The following HYDIN variants were observed in gnomAD, a reference collection of about 807,000 sequenced individuals.
The protein encoded by HYDIN is axonemal central pair apparatus protein HYDIN.
HYDIN carries 132 observed loss-of-function variants against 403.9 expected under a neutral mutation model. The observed-to-expected ratio is 0.33, with a 90% confidence interval of 0.28 to 0.38. The LOEUF (loss-of-function observed/expected upper bound fraction) is 0.38. HYDIN is among the 10% of genes least tolerant of loss of function. The pLI, the probability that HYDIN is intolerant of heterozygous loss-of-function variation, is 1.00. For synonymous variants in HYDIN, 1,202 were observed against 1,891.7 expected (o/e 0.64, Z 9.46); for missense variants, 2,827 against 5,009.5 (o/e 0.56, Z 13.15).
At chr16:71,207,608 G>A (rs906256553) in intron 1 of HYDIN, among the ~76,000 whole-genome samples, 2 of 152,144 alleles carry the variant, frequency 1.3e-5, no homozygotes, top group African/African-American at 2.4e-5. Context: ...TGATGCCCCA[G>A]TTAAAAGGCA....
intron 9 of HYDIN, among the ~76,000 whole-genome samples, chr16:71,126,502 AG>A (rs1164597923): frequency 6.6e-6 from 1 of 152,182 alleles, no homozygotes; most frequent in Non-Finnish European, 1.5e-5. Flanking sequence ...GGGCTGAGGC[AG>A]GGAAGAGCTG....
Position 70,805,164 on chromosome 16 carries a change from A to G in HYDIN, c.*2416T>C, listed in dbSNP as rs1206787750. On this transcript the variant is annotated 3_prime_UTR_variant, in exon 86 of 86. Coordinates refer to ENST00000393567, the MANE Select transcript of HYDIN (RefSeq NM_001270974.2). ...GGGTTAATTTCATCAACTAGGTCCT[A>G]TGCAGATTTGGTAAGACTTCTCAGG... 6.6e-6 allele frequency among the ~76,000 whole-genome samples: 1 copy of G among 152,230 alleles called. No homozygotes were observed. The highest frequency in any genetic ancestry group is 1.9e-4 in the East Asian group (1 of 5,204).
intron 9 of HYDIN, among the ~76,000 whole-genome samples, chr16:71,122,823 C>G (rs950617177): frequency 2.0e-5 from 3 of 150,444 alleles, no homozygotes; most frequent in African/African-American, 7.4e-5. Context: ...CTTAAGCTTC[C>G]CTAGGGATAC....
intron 55 of HYDIN, chr16:70,893,599 C>G (rs1461243385): frequency 1.3e-5 from 2 of 152,026 alleles, no homozygotes; most frequent in African/African-American, 2.4e-5. Context: ...CTCACTGCAG[C>G]CTTGACCTCT....
chr16:71,221,465 G>T, intron 1 of HYDIN, among the ~76,000 whole-genome samples: 1 of 151,958 alleles, frequency 6.6e-6, no homozygotes, highest in Non-Finnish European at 1.5e-5. Flanking sequence ...ACCTCTCTGA[G>T]GTCCTCCTTC....
intron 45 of HYDIN, chr16:70,933,703 T>C (rs1379894626): frequency 6.5e-6 from 1 of 154,996 alleles, no homozygotes; most frequent in Middle Eastern, 5.2e-4. Context: ...GAGTGTCACA[T>C]AGCAGGAATT....
Position 70,936,020 on chromosome 16 carries a change from TGACC to T in HYDIN, c.7086_7089del (p.Val2363LysfsTer14). ...TTAATGGGTCCCTGCTTTCCTTTTT[TGACC>T]CTCCGTTTCAGCTCATCCTCTTCCT... is the stretch of plus-strand genomic sequence containing the variant. On this transcript the variant is annotated frameshift_variant, in exon 45 of 86. Transcript: ENST00000393567. LOFTEE classifies it high-confidence loss of function. 1 of 598,436 alleles carries T rather than the reference TGACC, an allele frequency of 1.7e-6. No individual in the cohort carries two copies. Among genetic ancestry groups the T allele is most frequent in the African/African-American group, 3.4e-5 (1 of 29,510 alleles). The allele number at this position is 598,436 out of a possible 1,614,324, so 37.1% of individuals were successfully genotyped here.
intron 8 of HYDIN, chr16:71,132,141 T>C (rs2084735841): frequency 1.1e-5 from 1 of 88,732 alleles, no homozygotes; most frequent in Non-Finnish European, 2.2e-5. Context: ...CTTAATATTT[T>C]CTAAATTTTA....
At chr16:71,217,373 T>C (rs1363603551) in intron 1 of HYDIN, among the ~76,000 whole-genome samples, 1 of 152,164 alleles carries the variant, frequency 6.6e-6, no homozygotes, top group Non-Finnish European at 1.5e-5. Flanking sequence ...CTGAATTAAG[T>C]AGAGATCTCA....
chr16:70,834,869 T>TAC (rs2037267173), intron 78 of HYDIN, among the ~76,000 whole-genome samples: 1 of 144,350 alleles, frequency 6.9e-6, no homozygotes, highest in African/African-American at 2.7e-5. Context: ...AACAAACATA[T>TAC]ATATATGTGT....
intron 54 of HYDIN, 148 bp downstream of exon 54, chr16:70,895,833 C>T: frequency 1.5e-6 from 2 of 1,354,464 alleles, no homozygotes; most frequent in Non-Finnish European, 9.6e-7. Context: ...CTGCTAATAT[C>T]ACTCTGGGGC....
At chr16:71,066,546 A>ATG (rs1216978352) in intron 15 of HYDIN, 3 of 192,562 alleles carry the variant, frequency 1.6e-5, no homozygotes, top group African/African-American at 7.0e-5. Flanking sequence ...GCATTTGCAT[A>ATG]CATACAACTT....
intron 32 of HYDIN, 80 bp from the exon 33 acceptor site, chr16:70,974,380 G>T: frequency 6.6e-7 from 1 of 1,507,924 alleles, no homozygotes; most frequent in Non-Finnish European, 8.9e-7. Flanking sequence ...GCCCCCACTG[G>T]GTCAGAATGA....
At chr16:71,020,132 C>T in intron 22 of HYDIN, 42 bp downstream of exon 22, 1 of 1,603,036 alleles carries the variant, frequency 6.2e-7, no homozygotes, top group South Asian at 1.1e-5. Context: ...ACACCCCGCC[C>T]CACCCCAGAC....
rs1467081681 is a variant in HYDIN, at chr16:70,803,638, T to C, written c.*3942A>G. 6.6e-6 allele frequency among the ~76,000 whole-genome samples: 1 copy of C among 152,258 alleles called. No homozygotes were observed. Among genetic ancestry groups the C allele is most frequent in the Non-Finnish European group, 1.5e-5 (1 of 68,044 alleles). ...TGTAGCAAGAGGCTGCTGATGACAT[T>C]GTAAGAAATTGTACCAAAATCTTGA... On this transcript the variant is annotated 3_prime_UTR_variant, in exon 86 of 86. Transcript: ENST00000393567.
chr16:70,944,443 G>A (rs2077786278), intron 41 of HYDIN, among the ~76,000 whole-genome samples: 1 of 152,222 alleles, frequency 6.6e-6, no homozygotes, highest in Non-Finnish European at 1.5e-5. Context: ...ATGTAGAGAG[G>A]ATGCTCATGT....
At chr16:71,040,521 C>A (rs1404754573) in intron 18 of HYDIN, among the ~76,000 whole-genome samples, 1 of 122,898 alleles carries the variant, frequency 8.1e-6, no homozygotes, top group Non-Finnish European at 1.7e-5. Context: ...ACTTTACATA[C>A]AAGTTCCAGA....
intron 30 of HYDIN, among the ~76,000 whole-genome samples, chr16:70,977,780 TCTC>T (rs2078929007): frequency 6.6e-6 from 1 of 150,552 alleles, no homozygotes; most frequent in Non-Finnish European, 1.5e-5. Context: ...TGAGAAGCTC[TCTC>T]CTCCAGAGAC....
chr16:70,936,922 C>G (rs1388965455), intron 44 of HYDIN, among the ~76,000 whole-genome samples: 1 of 151,644 alleles, frequency 6.6e-6, no homozygotes, highest in Admixed American at 6.6e-5. Context: ...TCCACCCTCT[C>G]TTTCCCTTTC....
Sources: gnomAD v4.1 joint callset for allele counts (sites outside exome capture counted in the v4.1 genomes callset) on GRCh38, gnomAD v4.1.1 for gene constraint, MANE v1.5 for transcripts, NCBI Gene and HGNC (gene_info 2026-07-23, HGNC 2026-07-21) for gene names.